Variants in NKAIN2 observed in about 807,000 individuals in gnomAD.
NKAIN2 encodes the protein sodium/potassium transporting ATPase interacting 2.
A neutral mutation model predicts 32.6 loss-of-function variants in NKAIN2; 14 were observed. That is an observed-to-expected ratio of 0.43 (90% CI 0.28 to 0.67). The LOEUF (loss-of-function observed/expected upper bound fraction) is 0.67. NKAIN2 is among the 30% of genes least tolerant of loss of function. NKAIN2 has a pLI of 0.17. For synonymous variants in NKAIN2, 80 were observed against 87.2 expected, an observed-to-expected ratio of 0.92 and a Z score of 0.46; for missense variants, 198 against 258.3, an observed-to-expected ratio of 0.77 and a Z score of 1.60.
chr6:124,081,666 G>A (rs1783973324), intron 1 of NKAIN2, among the ~76,000 whole-genome samples: 1 of 152,016 alleles, frequency 6.6e-6, no homozygotes, highest in Non-Finnish European at 1.5e-5. Context: ...ATGAAATAGA[G>A]TAAATATTAA....
intron 3 of NKAIN2, among the ~76,000 whole-genome samples, chr6:124,379,079 G>A (rs1480258645): frequency 3.6e-5 from 5 of 140,436 alleles, no homozygotes; most frequent in South Asian, 2.5e-4. Context: ...ACAACAGAGC[G>A]AAACCTTGTC....
intron 1 of NKAIN2, among the ~76,000 whole-genome samples, chr6:124,077,141 G>T (rs980427569): frequency 3.9e-5 from 6 of 152,154 alleles, no homozygotes; most frequent in Admixed American, 6.6e-5. Flanking sequence ...CCATCATTCT[G>T]AGCATCAGTT....
intron 1 of NKAIN2, among the ~76,000 whole-genome samples, chr6:123,944,965 A>C (rs1195379400): frequency 6.6e-6 from 1 of 152,056 alleles, no homozygotes; most frequent in Admixed American, 6.6e-5. Context: ...ACACACATGC[A>C]CACACAGACA....
At chr6:123,918,814 A>T (rs1224212752) in intron 1 of NKAIN2, among the ~76,000 whole-genome samples, 1 of 152,168 alleles carries the variant, frequency 6.6e-6, no homozygotes, top group Admixed American at 6.6e-5. Context: ...ACATAATGAG[A>T]TATAAAAGTA....
intron 3 of NKAIN2, among the ~76,000 whole-genome samples, chr6:124,657,347 A>G (rs576745311): frequency 6.6e-6 from 1 of 152,058 alleles, no homozygotes; most frequent in African/African-American, 2.4e-5. Flanking sequence ...CTTTTGATGC[A>G]TTTCCTTTAG....
chr6:124,801,080 C>T lies in NKAIN2; in HGVS notation c.535+9681C>T, dbSNP rs181932367. 1.9e-3 allele frequency among the ~76,000 whole-genome samples: 295 copies of T among 152,192 alleles called. 2 individuals are homozygous for T. Among genetic ancestry groups the T allele is most frequent in the African/African-American group, 6.8e-3 (282 of 41,546 alleles). On this transcript the variant is annotated intron_variant, in intron 5 of 6. Coordinates refer to ENST00000368417, the MANE Select transcript of NKAIN2 (RefSeq NM_001040214.3). ...ACAGTATTTCTGTTGGCTCCAAACCCGTCACCCCGACTGTCCTATCCAAGG... is the reference window on the plus strand; with the variant it reads ...ACAGTATTTCTGTTGGCTCCAAACCTGTCACCCCGACTGTCCTATCCAAGG...
intron 1 of NKAIN2, among the ~76,000 whole-genome samples, chr6:124,160,985 G>C (rs1788247604): frequency 6.6e-6 from 1 of 152,078 alleles, no homozygotes; most frequent in African/African-American, 2.4e-5. Flanking sequence ...TTGTGAACTG[G>C]AGCATTTTTA....
At chr6:124,677,777 A>G (rs1175165888) in intron 4 of NKAIN2, among the ~76,000 whole-genome samples, 1 of 152,078 alleles carries the variant, frequency 6.6e-6, no homozygotes, top group Non-Finnish European at 1.5e-5. Context: ...TTCTGTATTT[A>G]TCCCTTATGT....
chr6:123,914,771 C>T (rs12530210), intron 1 of NKAIN2, among the ~76,000 whole-genome samples: 49,677 of 151,878 alleles, frequency 0.33, 9,025 homozygotes, highest in East Asian at 0.64. Flanking sequence ...TTTTATGATA[C>T]GGATAAGAGA....
intron 2 of NKAIN2, among the ~76,000 whole-genome samples, chr6:124,339,581 T>C (rs1798034474): frequency 6.6e-6 from 1 of 152,170 alleles, no homozygotes; most frequent in Admixed American, 6.5e-5. Context: ...TCATCATCAA[T>C]TTCTTTTTGT....
At chr6:124,724,020 G>A (rs1776153096) in intron 4 of NKAIN2, among the ~76,000 whole-genome samples, 2 of 152,136 alleles carry the variant, frequency 1.3e-5, no homozygotes, top group South Asian at 4.1e-4. Flanking sequence ...TGCATCTGCA[G>A]GTTTAAAGCA....
chr6:124,644,332 C>T (rs920619955), intron 3 of NKAIN2, among the ~76,000 whole-genome samples: 1 of 151,696 alleles, frequency 6.6e-6, no homozygotes, highest in Admixed American at 6.6e-5. Flanking sequence ...ATTCTGAGTC[C>T]CTTTTTCATG....
chr6:124,189,060 ACAT>A (rs1789887476), intron 1 of NKAIN2, among the ~76,000 whole-genome samples: 1 of 152,186 alleles, frequency 6.6e-6, no homozygotes, highest in Non-Finnish European at 1.5e-5. Flanking sequence ...AATGACAGCC[ACAT>A]CATCATTTTG....
intron 1 of NKAIN2, among the ~76,000 whole-genome samples, chr6:124,196,648 TTTAAA>T (rs1297897922): frequency 6.6e-6 from 1 of 152,056 alleles, no homozygotes; most frequent in Non-Finnish European, 1.5e-5. Context: ...TTTTCATAAT[TTTAAA>T]TTAAAGATTT....
chr6:124,753,245 A>G (rs970425926), intron 4 of NKAIN2, among the ~76,000 whole-genome samples: 3 of 152,160 alleles, frequency 2.0e-5, no homozygotes, highest in African/African-American at 4.8e-5. Flanking sequence ...CAAGTGTTTC[A>G]TGTCACCTTG....
At position 124,715,419 on chromosome 6, in the gene NKAIN2, C is replaced by A. The variant is rs73770545; in HGVS notation, c.474+57033C>A. Among the ~76,000 whole-genome samples the A allele has an allele frequency of 4.4e-3, 671 of 152,284 alleles. 4 individuals carry two copies. The highest frequency in any genetic ancestry group is 0.015 in the African/African-American group (639 of 41,556). On this transcript the variant is annotated intron_variant, in intron 4 of 6. Coordinates refer to ENST00000368417, the MANE Select transcript of NKAIN2 (RefSeq NM_001040214.3). ...TTCATGTCCCCTTCTCCTCTCCCCT[C>A]CCTGTGGGGCTAGAACTAGACTTAG...
At chr6:124,227,093 A>AG (rs1792155710) in intron 1 of NKAIN2, among the ~76,000 whole-genome samples, 1 of 151,194 alleles carries the variant, frequency 6.6e-6, no homozygotes, top group African/African-American at 2.4e-5. Flanking sequence ...GAGGCAAAAA[A>AG]AAAAAAGAAA....
intron 3 of NKAIN2, among the ~76,000 whole-genome samples, chr6:124,493,342 A>G (rs1777938239): frequency 6.6e-6 from 1 of 151,974 alleles, no homozygotes; most frequent in Admixed American, 6.6e-5. Context: ...TCTGCTTTGT[A>G]AAAAGGACAA....
At chr6:123,805,295 T>C (rs2114848915) in intron 1 of NKAIN2, among the ~76,000 whole-genome samples, 1 of 152,322 alleles carries the variant, frequency 6.6e-6, no homozygotes, top group South Asian at 2.1e-4. Context: ...TGTTTAAGTG[T>C]CCAATCAGTA....
Sources: allele counts gnomAD v4.1 joint callset (sites outside exome capture counted in the v4.1 genomes callset), GRCh38; gene constraint gnomAD v4.1.1; transcripts MANE v1.5; gene names NCBI Gene and HGNC (gene_info 2026-07-23, HGNC 2026-07-21).